Variants in LINC00305 observed in about 807,000 individuals in gnomAD.
LINC00305 encodes the protein long intergenic non-protein coding RNA 305.
chr18:64,141,053 A>T (rs1018520798), intron 1 of LINC00305, among the ~76,000 whole-genome samples: 3 of 1,742 alleles, frequency 1.7e-3, no homozygotes, highest in African/African-American at 4.5e-3. Flanking sequence ...CCTGAATGAT[A>T]AAAAAAAAAA....
chr18:64,144,895 T>G (rs1181057378), intron 1 of LINC00305, among the ~76,000 whole-genome samples: 1 of 152,064 alleles, frequency 6.6e-6, no homozygotes. Context: ...GAAAAGCAGA[T>G]GTTCATACCT....
At chr18:64,122,409 T>A (rs1353343827) in intron 1 of LINC00305, among the ~76,000 whole-genome samples, 1 of 152,066 alleles carries the variant, frequency 6.6e-6, no homozygotes, top group African/African-American at 2.4e-5. Context: ...CATATGATGA[T>A]CCAATTTTCC....
intron 1 of LINC00305, among the ~76,000 whole-genome samples, chr18:64,138,657 T>G (rs951321436): frequency 2.0e-5 from 3 of 152,064 alleles, no homozygotes; most frequent in Admixed American, 1.3e-4. Context: ...CTTCACCGTT[T>G]TTCTCATTTT....
At chr18:64,089,133 A>C (rs1452426732) in intron 3 of LINC00305, among the ~76,000 whole-genome samples, 1 of 152,148 alleles carries the variant, frequency 6.6e-6, no homozygotes, top group Non-Finnish European at 1.5e-5. Context: ...TCGTAATCTG[A>C]ATTTTAATCC....
At chr18:64,099,366 C>T (rs550031905) in intron 1 of LINC00305, among the ~76,000 whole-genome samples, 2 of 152,056 alleles carry the variant, frequency 1.3e-5, no homozygotes, top group Non-Finnish European at 1.5e-5. Flanking sequence ...GAGGCACAAT[C>T]GTAGAAACTC....
At chr18:64,106,924 T>A (rs2051293322) in intron 1 of LINC00305, among the ~76,000 whole-genome samples, 1 of 152,194 alleles carries the variant, frequency 6.6e-6, no homozygotes, top group Non-Finnish European at 1.5e-5. Flanking sequence ...TGGAGGATGA[T>A]ACATGAAGAA....
chr18:64,123,822 C>T (rs1419256450), intron 1 of LINC00305, among the ~76,000 whole-genome samples: 1 of 151,838 alleles, frequency 6.6e-6, no homozygotes. Context: ...AGATTAATGC[C>T]CTCTGTCAAG....
At chr18:64,100,375 G>A (rs968372233) in intron 1 of LINC00305, among the ~76,000 whole-genome samples, 4 of 152,132 alleles carry the variant, frequency 2.6e-5, no homozygotes, top group African/African-American at 4.8e-5. Flanking sequence ...AAGAAAGAAC[G>A]TCACAGGAGG....
chr18:64,128,012 A>G (rs2051392924), intron 1 of LINC00305, among the ~76,000 whole-genome samples: 1 of 152,184 alleles, frequency 6.6e-6, no homozygotes, highest in East Asian at 1.9e-4. Flanking sequence ...CCAGTAAGAA[A>G]TCTTTTCCTT....
intron 3 of LINC00305, among the ~76,000 whole-genome samples, chr18:64,093,697 A>G (rs549467290): frequency 6.6e-6 from 1 of 152,322 alleles, no homozygotes; most frequent in Admixed American, 6.5e-5. Flanking sequence ...AAAGTGACTC[A>G]TTTAATATAT....
At chr18:64,087,383 A>G (rs1427239629) in intron 3 of LINC00305, among the ~76,000 whole-genome samples, 2 of 152,218 alleles carry the variant, frequency 1.3e-5, no homozygotes, top group South Asian at 2.1e-4. Flanking sequence ...GCAGCTCTTT[A>G]TTACTAAAGA....
exon 4 of LINC00305, chr18:64,080,023 G>A (rs2051178753): frequency 1.9e-5 from 3 of 158,686 alleles, no homozygotes; most frequent in South Asian, 3.5e-4. Context: ...TTAAACAAAT[G>A]TTTAATAGGA....
At chr18:64,143,797 G>A (rs36101641) in intron 1 of LINC00305, among the ~76,000 whole-genome samples, 27,932 of 70,396 alleles carry the variant, frequency 0.4, 6,699 homozygotes, top group Admixed American at 0.5. Context: ...CATATTATGC[G>A]TACATGTATG....
chr18:64,110,015 T>C (rs191471486), intron 1 of LINC00305, among the ~76,000 whole-genome samples: 1 of 152,222 alleles, frequency 6.6e-6, no homozygotes, highest in East Asian at 1.9e-4. Flanking sequence ...TTAGTGTGTT[T>C]TATGTGTGGC....
intron 1 of LINC00305, among the ~76,000 whole-genome samples, chr18:64,119,133 GA>G (rs1442114934): frequency 6.6e-6 from 1 of 152,028 alleles, no homozygotes; most frequent in Non-Finnish European, 1.5e-5. Flanking sequence ...ATAGGTAAAT[GA>G]AAAAAGACAA....
chr18:64,091,672 A>T (rs1308089517), intron 3 of LINC00305, among the ~76,000 whole-genome samples: 1 of 152,184 alleles, frequency 6.6e-6, no homozygotes, highest in Non-Finnish European at 1.5e-5. Flanking sequence ...TTGGTCTGCA[A>T]AGCTCAGGTG....
At chr18:64,108,831 G>A (rs1010060520) in intron 1 of LINC00305, among the ~76,000 whole-genome samples, 1 of 152,154 alleles carries the variant, frequency 6.6e-6, no homozygotes, top group South Asian at 2.1e-4. Flanking sequence ...AAAATATATA[G>A]GGTAGAGCCT....
chr18:64,108,767 G>A (rs1242593343), intron 1 of LINC00305, among the ~76,000 whole-genome samples: 1 of 152,174 alleles, frequency 6.6e-6, no homozygotes, highest in Non-Finnish European at 1.5e-5. Flanking sequence ...CAAGTGTACA[G>A]TTGGCTCCAA....
chr18:64,088,045 C>CCCGGGAGGCGGAGCTTG (rs1381865571), intron 3 of LINC00305, among the ~76,000 whole-genome samples: 9 of 152,198 alleles, frequency 5.9e-5, no homozygotes, highest in Middle Eastern at 6.8e-3. Flanking sequence ...ATGGTGTAAA[C>CCCGGGAGGCGGAGCTTG]CCGGGAGGCG....
Sources: allele counts gnomAD v4.1 joint callset (sites outside exome capture counted in the v4.1 genomes callset), GRCh38; gene constraint gnomAD v4.1.1; transcripts MANE v1.5; gene names NCBI Gene and HGNC (gene_info 2026-07-23, HGNC 2026-07-21).